Variants in HEG1 observed in about 807,000 individuals in gnomAD.
HEG1 encodes the protein protein HEG homolog 1.
HEG1 carries 56 observed loss-of-function variants against 125.6 expected under a neutral mutation model. That is an observed-to-expected ratio of 0.45 (90% CI 0.36 to 0.56). HEG1 has a LOEUF of 0.56. Among genes scored for constraint, HEG1 ranks in the 20% least tolerant of loss-of-function variants. The probability of loss-of-function intolerance (pLI) is 0.00; values close to 1 mark genes in which losing one functional copy is unlikely to be tolerated. For missense variants in HEG1, 1,523 were observed against 1,670.0 expected (o/e 0.91, Z 1.53); for synonymous variants, 644 against 668.5 (o/e 0.96, Z 0.57).
intron 15 of HEG1, among the ~76,000 whole-genome samples, chr3:124,976,390 G>C (rs1434495252): frequency 6.6e-6 from 1 of 152,006 alleles, no homozygotes; most frequent in Non-Finnish European, 1.5e-5. Flanking sequence ...GTTTCACCAT[G>C]TTGGCCAGGC....
chr3:125,036,912 A>C (rs919868823), intron 1 of HEG1, among the ~76,000 whole-genome samples: 1 of 152,264 alleles, frequency 6.6e-6, no homozygotes, highest in Admixed American at 6.5e-5. Flanking sequence ...AAGCATTAAA[A>C]ATAGGCATAT....
At position 125,052,907 on chromosome 3, in the gene HEG1, A is replaced by T. The variant is rs1937845479; in HGVS notation, c.316+2668T>A. On this transcript the variant is annotated intron_variant, in intron 1 of 16. Coordinates refer to ENST00000311127, the MANE Select transcript of HEG1 (RefSeq NM_020733.2). Reference sequence around the variant, plus strand: ...AGTTGAACTCTGCCAGGAAGAGAAGAGCTGGAAATGGCCCACAGGGAAGAA... The same window carrying T: ...AGTTGAACTCTGCCAGGAAGAGAAGTGCTGGAAATGGCCCACAGGGAAGAA... 2.6e-5 allele frequency among the ~76,000 whole-genome samples: 4 copies of T among 152,216 alleles called. No homozygotes were observed. The South Asian group carries it at 8.3e-4, about 31-fold the overall frequency.
Position 125,046,355 on chromosome 3 carries a change from T to C in HEG1, c.316+9220A>G, listed in dbSNP as rs562781721. Among the ~76,000 whole-genome samples, 5 of 151,778 alleles carry C rather than the reference T, an allele frequency of 3.3e-5. No homozygotes were observed. In the East Asian group the frequency reaches 7.7e-4, roughly 23 times the overall value. On this transcript the variant is annotated intron_variant, in intron 1 of 16. Transcript: ENST00000311127. Reference sequence around the variant, plus strand: ...AACCATTTTCTAAAATTTGCTACTTTTCTTTTTTCATATATATGTATATGT... The same window carrying C: ...AACCATTTTCTAAAATTTGCTACTTCTCTTTTTTCATATATATGTATATGT...
At chr3:124,996,616 G>A (rs1253833141) in intron 12 of HEG1, among the ~76,000 whole-genome samples, 1 of 152,190 alleles carries the variant, frequency 6.6e-6, no homozygotes, top group Non-Finnish European at 1.5e-5. Flanking sequence ...GAAGAACTTT[G>A]TATCCAAACC....
At chr3:124,987,127 C>A (rs562039813) in intron 14 of HEG1, among the ~76,000 whole-genome samples, 1 of 152,252 alleles carries the variant, frequency 6.6e-6, no homozygotes, top group Non-Finnish European at 1.5e-5. Flanking sequence ...ATTGCTTGAG[C>A]CTGAGAGGTT....
intron 12 of HEG1, among the ~76,000 whole-genome samples, chr3:124,993,502 C>G (rs913369258): frequency 3.9e-5 from 6 of 152,266 alleles, no homozygotes; most frequent in African/African-American, 1.4e-4. Flanking sequence ...GGTGGCCCTC[C>G]TCCTGTGTAT....
Position 124,970,784 on chromosome 3 carries a change from A to C in HEG1, c.4014T>G (p.Asn1338Lys), listed in dbSNP as rs375218561. 42 of 1,609,746 alleles carry C rather than the reference A, an allele frequency of 2.6e-5. No individual in the cohort carries two copies. Among genetic ancestry groups the C allele is most frequent in the Non-Finnish European group, 3.4e-5 (40 of 1,178,194 alleles). ...DVYYSPTSVR[N>K]PELERNGLYP... ...AGAGTCCGTTTCGTTCAAGTTCTGG[A>C]TTCCTTACACTTGTAGGCTGGTTGC... The change falls in exon 17 of 17, where the codon AAT (asparagine) becomes AAG (lysine). Residue 1338 changes from asparagine to lysine, a missense_variant. Transcript: ENST00000311127.
Position 124,997,790 on chromosome 3 carries a change from C to T in HEG1, c.3551G>A (p.Cys1184Tyr), listed in dbSNP as rs758184396. 1 of 1,592,608 alleles carries T rather than the reference C, an allele frequency of 6.3e-7. No individual in the cohort carries two copies. The highest frequency in any genetic ancestry group is 1.1e-5 in the South Asian group (1 of 87,514). Reference protein sequence around the residue: ...GSLCKRKSPECDKDTSICTDL... With the variant: ...GSLCKRKSPEYDKDTSICTDL... ...AGTGCAGATGGAGGTGTCTTTGTCA[C>T]ATTCGGGACTCTTCCGCTTGCACAA... Residue 1184 changes from cysteine (C) to tyrosine (Y), a missense_variant, in exon 12 of 17, where the codon TGT becomes TAT. Cys to Tyr is a radical substitution (Grantham distance 194). Transcript: ENST00000311127.
chr3:124,976,611 G>A lies in HEG1; in HGVS notation c.3821+1248C>T, dbSNP rs922951345. 5.9e-5 allele frequency among the ~76,000 whole-genome samples: 9 copies of A among 151,866 alleles called. No individual in the cohort carries two copies. In the South Asian group the frequency reaches 1.0e-3, roughly 18 times the overall value. Reference sequence around the variant, plus strand: ...TTGACCATCTTTTCGTGTGTGCCACGATCGGGATATAGTTTGTCCCCACCC... The same window carrying A: ...TTGACCATCTTTTCGTGTGTGCCACAATCGGGATATAGTTTGTCCCCACCC... On this transcript the variant is annotated intron_variant, in intron 15 of 16. Coordinates refer to ENST00000311127, the MANE Select transcript of HEG1 (RefSeq NM_020733.2).
Position 125,021,105 on chromosome 3 carries a change from G to T in HEG1, c.939C>A (p.Asn313Lys). 2 of 1,580,704 alleles carry T rather than the reference G, an allele frequency of 1.3e-6. No homozygotes were observed. Among genetic ancestry groups the T allele is most frequent in the Non-Finnish European group, 1.7e-6 (2 of 1,161,814 alleles). Residue 313 changes from asparagine (N) to lysine (K), a missense_variant, in exon 4 of 17, where the codon AAC (asparagine) becomes AAA (lysine). Transcript: ENST00000311127. ...SSSSESTEKL[N>K]NSTGLQSSSV... ...AGGAGCTCTGGAGGCCAGTGGAGTTGTTAAGCTTCTCTGTACTTTCAGAAG... is the reference window on the plus strand; with the variant it reads ...AGGAGCTCTGGAGGCCAGTGGAGTTTTTAAGCTTCTCTGTACTTTCAGAAG...
rs886486964 is a variant in HEG1, at chr3:124,979,583, G to A, written c.3734-1637C>T. 3.7e-4 allele frequency among the ~76,000 whole-genome samples: 57 copies of A among 152,218 alleles called. 2 individuals carry two copies. The highest frequency in any genetic ancestry group is 3.7e-3 in the Admixed American group (57 of 15,276). On this transcript the variant is annotated intron_variant, in intron 14 of 16. Coordinates refer to ENST00000311127, the MANE Select transcript of HEG1 (RefSeq NM_020733.2). ...AAATATTCCTATTGATTTTTTGGTT[G>A]TGGAAATACAAGAAAATTGTGTTCT...
chr3:125,021,250 A>G, intron 3 of HEG1, 120 bp from the exon 4 acceptor site: 1 of 719,104 alleles, frequency 1.4e-6, no homozygotes, highest in Non-Finnish European at 2.3e-6. Flanking sequence ...CCATGGACCT[A>G]ATATAGATAC....
rs373349780 is a variant in HEG1 at position 125,009,817 on chromosome 3, A to G, written c.3081T>C (p.Asn1027=). Residue 1027 remains asparagine (N), a synonymous_variant, in exon 8 of 17, where the codon AAT becomes AAC. Transcript: ENST00000311127. ...ATGGGCAGGGGTTCGACAGGCACTC[A>G]TTCACATCTGTAGAGGAGAAAAAAG... ...WQGDDCSVDV[N]ECLSNPCPST... The G allele has an allele frequency of 2.5e-6, 4 of 1,613,218 alleles. No individual in the cohort carries two copies. The highest frequency in any genetic ancestry group is 1.7e-6 in the Non-Finnish European group (2 of 1,179,492).
At position 124,966,716 on chromosome 3, in the gene HEG1, G is replaced by A. The variant is rs1487758024; in HGVS notation, c.*3936C>T. ...AAATTTGTGTATTTTAGAACTATGG[G>A]TCAAAACCCTGTGTGTTAGGCTAAA... is the stretch of plus-strand genomic sequence containing the variant. On this transcript the variant is annotated 3_prime_UTR_variant, in exon 17 of 17. Transcript: ENST00000311127. 1 of 152,178 alleles carries A rather than the reference G, an allele frequency of 6.6e-6. No homozygotes were observed. The highest frequency in any genetic ancestry group is 1.5e-5 in the Non-Finnish European group (1 of 68,028). 9.4% of individuals were successfully genotyped at this position (152,178 alleles called of 1,614,324 possible).
At chr3:124,996,644 C>T (rs983134745) in intron 12 of HEG1, among the ~76,000 whole-genome samples, 1 of 152,196 alleles carries the variant, frequency 6.6e-6, no homozygotes, top group African/African-American at 2.4e-5. Flanking sequence ...GTCAGAGGGT[C>T]TGAAGCTCAG....
At chr3:124,987,786 C>A (rs1292235455) in intron 14 of HEG1, among the ~76,000 whole-genome samples, 1 of 151,100 alleles carries the variant, frequency 6.6e-6, no homozygotes. Flanking sequence ...TCCCAAAGTG[C>A]TGAGATTACA....
rs1579429061 is a variant in HEG1 at position 125,029,302 on chromosome 3, T to C, written c.503A>G (p.Asp168Gly). 6.2e-7 allele frequency: 1 copy of C among 1,613,978 alleles called. No homozygotes were observed. Among genetic ancestry groups the C allele is most frequent in the East Asian group, 2.2e-5 (1 of 44,890 alleles). ...ENLTLLAETA[D>G]ARGRSGSSSR... ...TGAAGAGCCGCTCCTTCCTCTAGCA[T>C]CTGCTGTTTCAGCGAGTAGAGTGAG... Residue 168 changes from aspartate to glycine, a missense_variant, in exon 2 of 17, where the codon GAT (aspartate) becomes GGT (glycine). Coordinates refer to ENST00000311127, the MANE Select transcript of HEG1 (RefSeq NM_020733.2).
chr3:124,983,695 T>G (rs935271681), intron 14 of HEG1, among the ~76,000 whole-genome samples: 5 of 152,066 alleles, frequency 3.3e-5, no homozygotes, highest in African/African-American at 1.2e-4. Flanking sequence ...ATTCTTATTT[T>G]CTCCCGCACC....
At chr3:125,029,527 G>C in intron 1 of HEG1, 39 bp from the exon 2 acceptor site, 1 of 1,555,794 alleles carries the variant, frequency 6.4e-7, no homozygotes, top group South Asian at 1.2e-5. Context: ...GAGTTTGCTG[G>C]CTTCTGACAA....
Sources: allele counts gnomAD v4.1 joint callset (sites outside exome capture counted in the v4.1 genomes callset), GRCh38; gene constraint gnomAD v4.1.1; transcripts MANE v1.5; gene names NCBI Gene and HGNC (gene_info 2026-07-23, HGNC 2026-07-21).